POP1: variants seen among roughly 807,000 people sequenced by gnomAD.
POP1 encodes the protein ribonucleases P/MRP protein subunit POP1.
POP1 carries 75 observed loss-of-function variants against 102.2 expected under a neutral mutation model. That is an observed-to-expected ratio of 0.73 (90% CI 0.61 to 0.89). POP1 has a LOEUF of 0.89. POP1 is among the 40% of genes least tolerant of loss of function. The probability of loss-of-function intolerance (pLI) is 0.00; values close to 1 mark genes in which losing one functional copy is unlikely to be tolerated. For synonymous variants in POP1, 436 were observed against 464.1 expected (o/e 0.94, Z 0.78); for missense variants, 1,116 against 1,267.4 (o/e 0.88, Z 1.81).
At chr8:98,133,196 A>G (rs779754412) in intron 5 of POP1, among the ~76,000 whole-genome samples, 18 of 152,176 alleles carry the variant, frequency 1.2e-4, no homozygotes, top group South Asian at 4.1e-4. Flanking sequence ...TAGCACTGGC[A>G]ACAGAGTGAG....
chr8:98,158,575 CT>C lies in POP1; in HGVS notation c.*311del. 3 of 305,114 alleles carry C rather than the reference CT, an allele frequency of 9.8e-6. No individual in the cohort carries two copies. The highest frequency in any genetic ancestry group is 8.2e-5 in the East Asian group (1 of 12,230). 18.9% of individuals were successfully genotyped at this position (305,114 alleles called of 1,614,324 possible). A position where few individuals can be genotyped will look rare whatever the true frequency, so the allele number is the denominator to read the frequency against. On this transcript the variant is annotated 3_prime_UTR_variant, in exon 16 of 16. Coordinates refer to ENST00000401707, the MANE Select transcript of POP1 (RefSeq NM_001145860.2). ...GAGAAGCTCTACGAGTTATCATCCC[CT>C]TTTTTTGTTAGAAACAAAGGGCTTG...
intron 2 of POP1, 52 bp from the exon 3 acceptor site, chr8:98,127,543 A>G (rs1319243961): frequency 6.9e-6 from 11 of 1,599,462 alleles, no homozygotes; most frequent in South Asian, 5.5e-5. Context: ...GTTCTCCACT[A>G]TAATGTTTAT....
intron 14 of POP1, among the ~76,000 whole-genome samples, chr8:98,153,728 A>G (rs1809579278): frequency 6.6e-6 from 1 of 151,842 alleles, no homozygotes; most frequent in Admixed American, 6.6e-5. Flanking sequence ...AGTAGAAATC[A>G]GGTTTCACCA....
At chr8:98,157,492 A>C in intron 15 of POP1, 125 bp from the exon 16 acceptor site, 1 of 1,147,580 alleles carries the variant, frequency 8.7e-7, no homozygotes, top group Non-Finnish European at 1.2e-6. Context: ...TTTTTAAAAA[A>C]TTGTAGTTTT....
chr8:98,153,533 CT>C (rs747984872), intron 14 of POP1, among the ~76,000 whole-genome samples: 4,918 of 84,794 alleles, frequency 0.058, 54 homozygotes, highest in Non-Finnish European at 0.084. Context: ...AGTTCTGACT[CT>C]TTTTTTTTTT....
At position 98,146,578 on chromosome 8, in the gene POP1, A is replaced by T; in HGVS notation, c.1605A>T (p.Lys535Asn). The T allele has an allele frequency of 1.9e-6, 3 of 1,613,384 alleles. No homozygotes were observed. Among genetic ancestry groups the T allele is most frequent in the Non-Finnish European group, 2.5e-6 (3 of 1,179,312 alleles). ...PNPEKCQDNE[K>N]VRQLLLEGVP... ...TCTTTTCCCTCTTAGATAATGAGAA[A>T]GTTAGACAGCTGCTTCTGGAGGGTG... The change falls in exon 12 of 16, where the codon AAA becomes AAT. Residue 535 changes from lysine (K) to asparagine (N), a missense_variant. Coordinates refer to ENST00000401707, the MANE Select transcript of POP1 (RefSeq NM_001145860.2).
In POP1 at chr8:98,127,808, C is replaced by T. The variant is rs373501402; in HGVS notation, c.310+46C>T. 56 of 1,592,442 alleles carry T rather than the reference C, an allele frequency of 3.5e-5. No homozygotes were observed. In the Middle Eastern group the frequency reaches 1.8e-3, roughly 50 times the overall value. ...GCAGTTTGCTTGTATTTTGAACTCT[C>T]GTGTCTAGTGCAGCAACAAACTGCC... is the stretch of plus-strand genomic sequence containing the variant. On this transcript the variant is annotated intron_variant, in intron 3 of 15. Coordinates refer to ENST00000401707, the MANE Select transcript of POP1 (RefSeq NM_001145860.2).
chr8:98,135,265 G>A (rs1180976191), intron 7 of POP1, among the ~76,000 whole-genome samples: 2 of 151,422 alleles, frequency 1.3e-5, no homozygotes, highest in East Asian at 1.9e-4. Context: ...GTGACAGTGA[G>A]ACCCTGTCTC....
rs544000228 is a variant in POP1, at chr8:98,132,050, G to C, written c.735+1824G>C. 7.9e-5 allele frequency among the ~76,000 whole-genome samples: 12 copies of C among 152,052 alleles called. No individual in the cohort carries two copies. The South Asian group carries it at 2.1e-3, about 26-fold the overall frequency. On this transcript the variant is annotated intron_variant, in intron 5 of 15. Transcript: ENST00000401707. ...TGCCAATGAGTTACTTTTCATTTTGGGCATAATTTTTGCTGAAGTTATCAG... is the reference window on the plus strand; with the variant it reads ...TGCCAATGAGTTACTTTTCATTTTGCGCATAATTTTTGCTGAAGTTATCAG...
At chr8:98,134,957 A>G (rs984926268) in intron 7 of POP1, among the ~76,000 whole-genome samples, 2 of 152,208 alleles carry the variant, frequency 1.3e-5, no homozygotes, top group African/African-American at 4.8e-5. Flanking sequence ...GCTGTACATT[A>G]TATCCCCGGA....
At chr8:98,143,121 T>G (rs891685276) in intron 11 of POP1, among the ~76,000 whole-genome samples, 1 of 152,252 alleles carries the variant, frequency 6.6e-6, no homozygotes, top group African/African-American at 2.4e-5. Flanking sequence ...TCAAGTCACA[T>G]TCTGGAGTTA....
chr8:98,130,605 G>A (rs55691545), intron 5 of POP1, among the ~76,000 whole-genome samples: 11,069 of 152,238 alleles, frequency 0.073, 623 homozygotes, highest in Middle Eastern at 0.16. Context: ...AATCAATTCT[G>A]TGTGACAGAG....
At position 98,159,231 on chromosome 8, in the gene POP1, G is replaced by A. The variant is rs1809736661; in HGVS notation, c.*960G>A. The stretch of plus-strand genomic sequence containing the variant: ...GATTCCTAAAGTTCTCTTACAAGGA[G>A]CCCTTTGTAGGACCAGTGTTCTTAG... On this transcript the variant is annotated 3_prime_UTR_variant, in exon 16 of 16. Transcript: ENST00000401707. The A allele has an allele frequency of 6.6e-6, 1 of 152,182 alleles. No individual in the cohort carries two copies. The highest frequency in any genetic ancestry group is 1.5e-5 in the Non-Finnish European group (1 of 68,036). 9.4% of individuals were successfully genotyped at this position (152,182 alleles called of 1,614,324 possible).
intron 7 of POP1, among the ~76,000 whole-genome samples, chr8:98,134,911 A>G (rs973962880): frequency 6.6e-6 from 1 of 152,240 alleles, no homozygotes; most frequent in African/African-American, 2.4e-5. Context: ...TACATGTTGT[A>G]TACCACAATC....
rs781722358 is a variant in POP1 at position 98,157,802 on chromosome 8, C to T, written c.2606C>T (p.Pro869Leu). Residue 869 changes from proline to leucine, a missense_variant, in exon 16 of 16, where the codon CCC becomes CTC. Pro to Leu is a moderately conservative substitution (Grantham distance 98). Transcript: ENST00000401707. Reference protein sequence around the residue: ...VSLSLLSKGSPEPHTMICVPA... With the variant: ...VSLSLLSKGSLEPHTMICVPA... ...CTGTCCCTGCTCAGCAAGGGCAGCC[C>T]CGAGCCTCACACCATGATCTGTGTC... The T allele has an allele frequency of 6.2e-7, 1 of 1,614,210 alleles. No homozygotes were observed. The highest frequency in any genetic ancestry group is 8.5e-7 in the Non-Finnish European group (1 of 1,180,054).
intron 11 of POP1, 21 bp downstream of exon 11, chr8:98,140,909 C>T: frequency 6.2e-7 from 1 of 1,612,808 alleles, no homozygotes; most frequent in Non-Finnish European, 8.5e-7. Context: ...AAAAACACCC[C>T]AGGTTTTCCT....
At chr8:98,134,914 C>T (rs1586236269) in intron 7 of POP1, among the ~76,000 whole-genome samples, 2 of 152,046 alleles carry the variant, frequency 1.3e-5, no homozygotes, top group East Asian at 3.8e-4. Flanking sequence ...ATGTTGTATA[C>T]CACAATCAAA....
intron 1 of POP1, chr8:98,117,870 G>A (rs868622275): frequency 6.6e-6 from 1 of 152,206 alleles, no homozygotes; most frequent in Non-Finnish European, 1.5e-5. Flanking sequence ...TCCCTTGTAA[G>A]TATTCTGCTG....
At chr8:98,119,595 G>A (rs957360387) in intron 1 of POP1, among the ~76,000 whole-genome samples, 1 of 151,686 alleles carries the variant, frequency 6.6e-6, no homozygotes, top group Non-Finnish European at 1.5e-5. Context: ...TTTTTTTTGA[G>A]ACAGGGTCTT....
Sources: gnomAD v4.1 joint callset for allele counts (sites outside exome capture counted in the v4.1 genomes callset) on GRCh38, gnomAD v4.1.1 for gene constraint, MANE v1.5 for transcripts, NCBI Gene and HGNC (gene_info 2026-07-23, HGNC 2026-07-21) for gene names.